USH2A: variants seen among roughly 807,000 people sequenced by gnomAD.
The protein encoded by USH2A is Usher syndrome 2A (autosomal recessive, mild).
Under a neutral mutation model 538.9 loss-of-function variants are expected in USH2A, and 443 were observed. The observed-to-expected ratio is 0.82, with a 90% CI of 0.76 to 0.89. The LOEUF (loss-of-function observed/expected upper bound fraction) is 0.89. Ranked by LOEUF, USH2A falls within the 40% of genes least tolerant of loss-of-function variation. The pLI is 0.00. For missense variants in USH2A, 6,633 were observed against 6,324.8 expected (o/e 1.05, Z -1.65); for synonymous variants, 2,413 against 2,273.5 (o/e 1.06, Z -1.75).
chr1:215,921,769 G>T (rs951356631), intron 38 of USH2A, among the ~76,000 whole-genome samples: 1 of 151,978 alleles, frequency 6.6e-6, no homozygotes, highest in African/African-American at 2.4e-5. Flanking sequence ...AGCCAATATT[G>T]TTTCTTCAAC....
At chr1:215,749,230 T>G (rs1401297600) in intron 58 of USH2A, among the ~76,000 whole-genome samples, 1 of 152,132 alleles carries the variant, frequency 6.6e-6, no homozygotes, top group African/African-American at 2.4e-5. Flanking sequence ...CTTGCATCCT[T>G]CAAGAAGTAA....
At chr1:216,225,830 C>T (rs1296599127) in intron 14 of USH2A, among the ~76,000 whole-genome samples, 1 of 152,066 alleles carries the variant, frequency 6.6e-6, no homozygotes, top group African/African-American at 2.4e-5. Context: ...TCTGTGCTGA[C>T]TATATTAAAA....
At chr1:215,734,812 C>T (rs1419936495) in intron 60 of USH2A, among the ~76,000 whole-genome samples, 2 of 152,166 alleles carry the variant, frequency 1.3e-5, no homozygotes, top group Non-Finnish European at 2.9e-5. Flanking sequence ...CAATTATTTG[C>T]ATCTCCAACT....
intron 37 of USH2A, among the ~76,000 whole-genome samples, chr1:215,955,179 G>T (rs1667031363): frequency 6.6e-6 from 1 of 152,028 alleles, no homozygotes; most frequent in Admixed American, 6.6e-5. Flanking sequence ...TAAACCACAA[G>T]CCCCTTCAGC....
rs149667751 is a variant in USH2A, at chr1:216,405,552, T to C, written c.651+12962A>G. On this transcript the variant is annotated intron_variant, in intron 3 of 71. Transcript: ENST00000307340. ...AAATAAATGTAGCCTTTATTTTAAA[T>C]GCTACAAAGGATGTGCACAATCTGG... Among the ~76,000 whole-genome samples the C allele has an allele frequency of 2.3e-3, 355 of 152,306 alleles. 3 individuals carry two copies. Among genetic ancestry groups the C allele is most frequent in the African/African-American group, 8.3e-3 (347 of 41,562 alleles).
At chr1:215,666,829 C>T (rs560451785) in intron 64 of USH2A, among the ~76,000 whole-genome samples, 4 of 152,260 alleles carry the variant, frequency 2.6e-5, no homozygotes, top group South Asian at 2.1e-4. Context: ...CGGTGGCTCA[C>T]GCCTGTAATC....
intron 61 of USH2A, among the ~76,000 whole-genome samples, chr1:215,702,460 T>G (rs919644726): frequency 6.6e-6 from 1 of 152,152 alleles, no homozygotes; most frequent in Non-Finnish European, 1.5e-5. Context: ...GTACACCAAT[T>G]AAATGTAGGT....
chr1:216,183,366 GA>G (rs376749248), intron 20 of USH2A, among the ~76,000 whole-genome samples: 612 of 144,476 alleles, frequency 4.2e-3, no homozygotes, highest in African/African-American at 0.015. Flanking sequence ...CCATGTTAAA[GA>G]AAAAAAAAAG....
At chr1:215,808,656 T>C (rs1232701233) in intron 49 of USH2A, among the ~76,000 whole-genome samples, 2 of 152,140 alleles carry the variant, frequency 1.3e-5, no homozygotes, top group Non-Finnish European at 2.9e-5. Context: ...TTGTATAGTA[T>C]GTCATGTAAA....
At chr1:215,779,586 C>T (rs943149522) in intron 55 of USH2A, among the ~76,000 whole-genome samples, 21 of 152,088 alleles carry the variant, frequency 1.4e-4, no homozygotes, top group African/African-American at 5.1e-4. Context: ...AAAGTTAATA[C>T]TGATGCAAAA....
At chr1:216,174,456 G>C (rs1289627152) in intron 21 of USH2A, 1 of 985,316 alleles carries the variant, frequency 1.0e-6, no homozygotes, top group Non-Finnish European at 1.2e-6. Context: ...GTAAGGCCAG[G>C]AGGAGGGTAA....
At chr1:216,421,735 T>C in intron 2 of USH2A, 117 bp downstream of exon 2, 1 of 1,519,492 alleles carries the variant, frequency 6.6e-7, no homozygotes, top group Non-Finnish European at 9.1e-7. Context: ...AGAGTTAGTC[T>C]TCAATACCAT....
At chr1:216,063,228 C>T (rs1321580192) in intron 30 of USH2A, among the ~76,000 whole-genome samples, 2 of 152,198 alleles carry the variant, frequency 1.3e-5, no homozygotes, top group African/African-American at 2.4e-5. Context: ...TCAAAACAAT[C>T]TCTGCACCCC....
At chr1:215,947,389 G>T (rs1442573287) in intron 37 of USH2A, among the ~76,000 whole-genome samples, 2 of 152,102 alleles carry the variant, frequency 1.3e-5, no homozygotes, top group African/African-American at 4.8e-5. Context: ...TTTAAAATGT[G>T]CATTTTAGAA....
At chr1:216,401,588 T>C (rs967443985) in intron 3 of USH2A, among the ~76,000 whole-genome samples, 3 of 152,036 alleles carry the variant, frequency 2.0e-5, no homozygotes, top group Non-Finnish European at 2.9e-5. Flanking sequence ...CACAGGTCAG[T>C]TGAAATTAGT....
At chr1:215,964,585 C>T (rs1165809076) in intron 37 of USH2A, among the ~76,000 whole-genome samples, 1 of 152,126 alleles carries the variant, frequency 6.6e-6, no homozygotes. Context: ...TGCATATTTG[C>T]TACTCATTTA....
intron 4 of USH2A, among the ~76,000 whole-genome samples, chr1:216,340,962 C>G (rs2038065778): frequency 6.6e-6 from 1 of 152,076 alleles, no homozygotes; most frequent in Non-Finnish European, 1.5e-5. Flanking sequence ...TTTCATCATT[C>G]CTATTCAAGA....
chr1:216,193,795 C>T (rs947163609), intron 19 of USH2A, among the ~76,000 whole-genome samples: 1 of 151,954 alleles, frequency 6.6e-6, no homozygotes, highest in African/African-American at 2.4e-5. Context: ...CTGTGGGGGA[C>T]CTGGCTGTAC....
chr1:215,945,149 A>T (rs1666726983), intron 37 of USH2A, among the ~76,000 whole-genome samples: 1 of 152,152 alleles, frequency 6.6e-6, no homozygotes, highest in African/African-American at 2.4e-5. Context: ...TATGTAAAGG[A>T]TCATAAGATA....
Sources: gnomAD v4.1 joint callset for allele counts (sites outside exome capture counted in the v4.1 genomes callset) on GRCh38, gnomAD v4.1.1 for gene constraint, MANE v1.5 for transcripts, NCBI Gene and HGNC (gene_info 2026-07-23, HGNC 2026-07-21) for gene names.